Variants in INPP4B observed in about 807,000 individuals in gnomAD.
The protein encoded by INPP4B is inositol polyphosphate 4-phosphatase type II.
Under a neutral mutation model 122.5 loss-of-function variants are expected in INPP4B, and 55 were observed. The observed-to-expected ratio is 0.45, with a 90% CI of 0.36 to 0.56. The LOEUF (loss-of-function observed/expected upper bound fraction) is 0.56, where lower values mean the gene tolerates loss of function less well. Among genes scored for constraint, INPP4B ranks in the 20% least tolerant of loss-of-function variants. The probability of loss-of-function intolerance (pLI) is 0.00; values close to 1 mark genes in which losing one functional copy is unlikely to be tolerated. For synonymous variants in INPP4B, 403 were observed against 388.7 expected (o/e 1.04, Z -0.43); for missense variants, 1,000 against 1,097.7 (o/e 0.91, Z 1.26).
chr4:142,212,244 C>T (rs577604402), intron 12 of INPP4B, among the ~76,000 whole-genome samples: 107 of 152,104 alleles, frequency 7.0e-4, no homozygotes, highest in Non-Finnish European at 1.2e-3. Flanking sequence ...TGTGCGATTC[C>T]CCAGAGATTT....
chr4:142,247,273 T>C (rs1484523811), intron 11 of INPP4B, among the ~76,000 whole-genome samples: 1 of 152,172 alleles, frequency 6.6e-6, no homozygotes, highest in African/African-American at 2.4e-5. Context: ...GTTGTGTCTC[T>C]GCCAGGTTTT....
At chr4:142,243,223 T>C (rs553040646) in intron 11 of INPP4B, among the ~76,000 whole-genome samples, 43 of 152,342 alleles carry the variant, frequency 2.8e-4, no homozygotes, top group South Asian at 6.2e-4. Context: ...GTTTTGCCTA[T>C]ATTGTTTTTC....
At chr4:142,170,492 TG>T (rs1825092111) in intron 16 of INPP4B, among the ~76,000 whole-genome samples, 1 of 151,744 alleles carries the variant, frequency 6.6e-6, no homozygotes. Flanking sequence ...TCACAGAATC[TG>T]GAGCCAAAAA....
chr4:142,552,103 A>G (rs994415288), intron 2 of INPP4B, among the ~76,000 whole-genome samples: 3 of 152,236 alleles, frequency 2.0e-5, no homozygotes, highest in Non-Finnish European at 4.4e-5. Context: ...AGCTGTGGAA[A>G]GTACTCTGAA....
chr4:142,794,939 T>C (rs1261802376), intron 1 of INPP4B, among the ~76,000 whole-genome samples: 1 of 133,876 alleles, frequency 7.5e-6, no homozygotes, highest in Non-Finnish European at 1.6e-5. Flanking sequence ...TCATGTTATA[T>C]ATATGTGTGT....
intron 2 of INPP4B, among the ~76,000 whole-genome samples, chr4:142,603,488 G>C (rs1438934335): frequency 6.6e-6 from 1 of 151,410 alleles, no homozygotes; most frequent in Non-Finnish European, 1.5e-5. Flanking sequence ...CATTTAAGAA[G>C]AGATAAGAGA....
chr4:142,773,555 C>A (rs775371960), intron 1 of INPP4B, among the ~76,000 whole-genome samples: 10 of 152,122 alleles, frequency 6.6e-5, no homozygotes, highest in Non-Finnish European at 1.3e-4. Context: ...TATCTACAAG[C>A]TCAATTATTT....
At chr4:142,484,745 G>C (rs1166273112) in intron 2 of INPP4B, among the ~76,000 whole-genome samples, 1 of 151,844 alleles carries the variant, frequency 6.6e-6, no homozygotes, top group East Asian at 1.9e-4. Context: ...TATTTTTCCT[G>C]AATCTCTCCC....
In INPP4B at chr4:142,351,438, C is replaced by T. The variant is rs529866122; in HGVS notation, c.373-36676G>A. Among the ~76,000 whole-genome samples, 30 of 152,016 alleles carry T rather than the reference C, an allele frequency of 2.0e-4. No individual in the cohort carries two copies. The East Asian group carries it at 3.9e-3, about 20-fold the overall frequency. ...TTAATATCTATGTTCAAATAACTGG[C>T]GTGGTTTCTGTTCCCTGATGGACCC... On this transcript the variant is annotated intron_variant, in intron 7 of 25. Transcript: ENST00000262992.
intron 12 of INPP4B, among the ~76,000 whole-genome samples, chr4:142,218,072 T>A (rs1211031357): frequency 6.6e-6 from 1 of 151,712 alleles, no homozygotes; most frequent in Non-Finnish European, 1.5e-5. Flanking sequence ...TCTATTCTGT[T>A]TCTCTTTGGA....
intron 22 of INPP4B, among the ~76,000 whole-genome samples, chr4:142,111,490 GCACCCGC>G (rs1231804783): frequency 1.3e-5 from 2 of 151,290 alleles, no homozygotes; most frequent in African/African-American, 2.4e-5. Context: ...GAGATTACAG[GCACCCGC>G]CACTATGCCC....
chr4:142,488,407 G>A (rs371212576), intron 2 of INPP4B, among the ~76,000 whole-genome samples: 49 of 152,116 alleles, frequency 3.2e-4, no homozygotes, highest in African/African-American at 1.1e-3. Flanking sequence ...AATCAGGTGT[G>A]TAGTGCTCAT....
chr4:142,617,609 G>T lies in INPP4B; in HGVS notation c.-191+108230C>A, dbSNP rs561997524. On this transcript the variant is annotated intron_variant, in intron 2 of 25. Transcript: ENST00000262992. ...AGGCGCTGCCATTAATTTCATAAAGGTTAGCCCGTGAGCAATAAACAACGA... is the reference window on the plus strand; with the variant it reads ...AGGCGCTGCCATTAATTTCATAAAGTTTAGCCCGTGAGCAATAAACAACGA... Among the ~76,000 whole-genome samples the T allele has an allele frequency of 6.6e-5, 10 of 152,142 alleles. No homozygotes were observed. In the South Asian group the frequency reaches 2.1e-3, roughly 32 times the overall value.
At chr4:142,790,657 A>AAAAAAC (rs202117647) in intron 1 of INPP4B, among the ~76,000 whole-genome samples, 1 of 152,064 alleles carries the variant, frequency 6.6e-6, no homozygotes. Flanking sequence ...GGAAAAAAAC[A>AAAAAAC]AAAAACAAAA....
At chr4:142,092,037 A>G (rs543170153) in intron 23 of INPP4B, among the ~76,000 whole-genome samples, 18 of 152,292 alleles carry the variant, frequency 1.2e-4, no homozygotes, top group African/African-American at 3.6e-4. Flanking sequence ...AGACTAGTTC[A>G]CGAATAGACA....
At chr4:142,237,818 T>C (rs1033642464) in intron 12 of INPP4B, 46 bp downstream of exon 12, 13 of 1,144,434 alleles carry the variant, frequency 1.1e-5, no homozygotes, top group Non-Finnish European at 1.6e-5. Flanking sequence ...AATTTTTAAA[T>C]GGTATAAAAT....
chr4:142,802,828 C>T (rs1348507472), intron 1 of INPP4B, among the ~76,000 whole-genome samples: 1 of 150,874 alleles, frequency 6.6e-6, no homozygotes, highest in Non-Finnish European at 1.5e-5. Flanking sequence ...TTGTGCCTTC[C>T]CTGTGCAAAA....
At chr4:142,582,447 A>G (rs1036972189) in intron 2 of INPP4B, among the ~76,000 whole-genome samples, 1 of 152,096 alleles carries the variant, frequency 6.6e-6, no homozygotes, top group Non-Finnish European at 1.5e-5. Context: ...ACTTTCAGTA[A>G]TATGCTTGAA....
intron 18 of INPP4B, among the ~76,000 whole-genome samples, chr4:142,141,088 G>T (rs139814575): frequency 6.8e-4 from 104 of 152,278 alleles, no homozygotes; most frequent in African/African-American, 2.2e-3. Flanking sequence ...GGACATGAGG[G>T]TTGCTTTCAG....
Sources: gnomAD v4.1 joint callset for allele counts (sites outside exome capture counted in the v4.1 genomes callset) on GRCh38, gnomAD v4.1.1 for gene constraint, MANE v1.5 for transcripts, NCBI Gene and HGNC (gene_info 2026-07-23, HGNC 2026-07-21) for gene names.